The following ERCC6 variants were observed in gnomAD, a reference collection of about 807,000 sequenced individuals.
The protein encoded by ERCC6 is ERCC excision repair 6, chromatin remodeling factor, also known as DNA excision repair protein ERCC-6.
A neutral mutation model predicts 158.7 loss-of-function variants in ERCC6; 116 were observed. The ratio of observed to expected loss-of-function variants is 0.73; its 90% confidence interval spans 0.63 to 0.85. The LOEUF is 0.85. Among genes scored for constraint, ERCC6 ranks in the 40% least tolerant of loss-of-function variants. The probability of loss-of-function intolerance (pLI) is 0.00; values close to 1 mark genes in which losing one functional copy is unlikely to be tolerated. For synonymous variants in ERCC6, 678 were observed against 659.3 expected (o/e 1.03, Z -0.43); for missense variants, 1,698 against 1,799.4 (o/e 0.94, Z 1.02).
chr10:49,493,309 C>G lies in ERCC6; in HGVS notation c.1686-57G>C, dbSNP rs774929345. The stretch of plus-strand genomic sequence containing the variant: ...ATGAAAGAGCATATACAGTCATCAA[C>G]TGCTCAAAAGATCCCCCAAAACAAC... On this transcript the variant is annotated intron_variant, in intron 7 of 20. Coordinates refer to ENST00000355832, the MANE Select transcript of ERCC6 (RefSeq NM_000124.4). The G allele has an allele frequency of 1.6e-5, 26 of 1,608,018 alleles. 1 individual carries two copies. In the East Asian group the frequency reaches 5.1e-4, roughly 32 times the overall value.
chr10:49,510,101 G>T (rs1393106473), intron 5 of ERCC6, among the ~76,000 whole-genome samples: 1 of 152,108 alleles, frequency 6.6e-6, no homozygotes, highest in Non-Finnish European at 1.5e-5. Flanking sequence ...ATCTGGCCCA[G>T]GCTGTGGGGC....
Position 49,493,117 on chromosome 10 carries a change from C to A in ERCC6, c.1821G>T (p.Lys607Asn), listed in dbSNP as rs1229284794. The A allele has an allele frequency of 1.9e-6, 3 of 1,613,816 alleles. No individual in the cohort carries two copies. The highest frequency in any genetic ancestry group is 1.3e-5 in the African/African-American group (1 of 74,894). Reference protein sequence around the residue: ...LHETGSYTHKKEKLIRDVAHC... With the variant: ...LHETGSYTHKNEKLIRDVAHC... ...AAAAGGTACTGAAATATTGTGTTAC[C>A]TTTTTGTGGGTATAGGAACCGGTTT... Residue 607 changes from lysine (K) to asparagine (N), a missense_variant and splice_region_variant, in exon 8 of 21, where the codon AAG (lysine) becomes AAT (asparagine). Lys to Asn is a moderately conservative substitution (Grantham distance 94). Transcript: ENST00000355832.
intron 1 of ERCC6, among the ~76,000 whole-genome samples, chr10:49,533,322 A>G (rs1459601235): frequency 1.3e-5 from 2 of 152,238 alleles, no homozygotes; most frequent in African/African-American, 4.8e-5. Context: ...CCAAGTTAGC[A>G]TCTTCATTTC....
intron 11 of ERCC6, among the ~76,000 whole-genome samples, chr10:49,476,974 C>G (rs950174539): frequency 1.1e-4 from 17 of 152,160 alleles, no homozygotes; most frequent in African/African-American, 4.1e-4. Flanking sequence ...AACCATCAGT[C>G]TTCTGCAGAC....
intron 18 of ERCC6, 55 bp from the exon 19 acceptor site, chr10:49,461,611 C>T (rs779620359): frequency 6.5e-7 from 1 of 1,531,734 alleles, no homozygotes; most frequent in Middle Eastern, 1.7e-4. Context: ...AAGAAAGACA[C>T]TTTTCTCCTC....
At chr10:49,495,586 C>T (rs1052363077) in intron 7 of ERCC6, among the ~76,000 whole-genome samples, 20 of 152,166 alleles carry the variant, frequency 1.3e-4, no homozygotes, top group Admixed American at 3.3e-4. Context: ...ATCTCACTGC[C>T]GATATCCCCA....
chr10:49,478,581 CT>C, intron 10 of ERCC6, 111 bp from the exon 11 acceptor site: 1 of 774,476 alleles, frequency 1.3e-6, no homozygotes, highest in Non-Finnish European at 2.3e-6. Context: ...TAACCAACAG[CT>C]GTATAAAGTC....
intron 5 of ERCC6, among the ~76,000 whole-genome samples, chr10:49,518,329 G>A (rs902911947): frequency 2.5e-4 from 38 of 152,324 alleles, no homozygotes; most frequent in Admixed American, 2.0e-4. Context: ...ACCAAGCTGC[G>A]AGATCACTCT....
chr10:49,511,670 C>T (rs1836820754), intron 5 of ERCC6, among the ~76,000 whole-genome samples: 1 of 152,142 alleles, frequency 6.6e-6, no homozygotes, highest in Non-Finnish European at 1.5e-5. Flanking sequence ...AAGTGATCTG[C>T]CTGCCTTGCC....
At chr10:49,437,357 T>C in the ERCC6 span, among the ~76,000 whole-genome samples, 3 of 152,190 alleles carry the variant, frequency 2.0e-5, no homozygotes, top group African/African-American at 7.2e-5. Context: ...AACACACCAG[T>C]ATAACATTGA....
intron 6 of ERCC6, chr10:49,501,016 T>C (rs1207138286): frequency 3.7e-6 from 1 of 267,726 alleles, no homozygotes; most frequent in Non-Finnish European, 7.2e-6. Flanking sequence ...TTACTATTTT[T>C]TACTCACTTT....
chr10:49,470,590 T>G lies in ERCC6; in HGVS notation c.3370A>C (p.Ser1124Arg). Residue 1124 changes from serine to arginine, a missense_variant, in exon 18 of 21, where the codon AGT (serine) becomes CGT (arginine). Coordinates refer to ENST00000355832, the MANE Select transcript of ERCC6 (RefSeq NM_000124.4). ...VSGPEELSVI[S>R]GNGECSNSSG... ...GAATTTGAACATTCCCCATTTCCAC[T>G]AATCACTGACAACTCTTCTGGTCCA... 6.2e-7 allele frequency: 1 copy of G among 1,614,094 alleles called. No individual in the cohort carries two copies. Among genetic ancestry groups the G allele is most frequent in the Non-Finnish European group, 8.5e-7 (1 of 1,179,970 alleles).
chr10:49,515,422 C>A, intron 5 of ERCC6: 1 of 1,614,122 alleles, frequency 6.2e-7, no homozygotes, highest in African/African-American at 1.3e-5. Context: ...TGACATTCAG[C>A]GCATCGCGTT....
downstream of ERCC6, among the ~76,000 whole-genome samples, chr10:49,450,576 A>C (rs1850408756): frequency 6.6e-6 from 1 of 152,202 alleles, no homozygotes; most frequent in Non-Finnish European, 1.5e-5. Context: ...CTGAATCTGC[A>C]GACAAGTTTG....
rs1481516583 is a variant in ERCC6, at chr10:49,505,903, G to C, written c.1507C>G (p.Leu503Val). 6.2e-7 allele frequency: 1 copy of C among 1,613,286 alleles called. No homozygotes were observed. The highest frequency in any genetic ancestry group is 1.7e-5 in the Admixed American group (1 of 59,938). Reference protein sequence around the residue: ...FDEGFKVPGFLFKKLFKYQQT... With the variant: ...FDEGFKVPGFVFKKLFKYQQT... ...ACATACTTAAAAAGCTTTTTGAACA[G>C]AAAACCTGGCACTTTAAAACCTTCG... Residue 503 changes from leucine (L) to valine (V), a missense_variant, in exon 6 of 21, where the codon CTG (leucine) becomes GTG (valine). Transcript: ENST00000355832.
intron 5 of ERCC6, chr10:49,517,090 C>T (rs758411255): frequency 6.3e-7 from 1 of 1,598,888 alleles, no homozygotes; most frequent in Non-Finnish European, 8.6e-7. Flanking sequence ...TCAGTTATTT[C>T]ATGTAAACTT....
intron 18 of ERCC6, among the ~76,000 whole-genome samples, chr10:49,464,996 G>A (rs1850648598): frequency 6.6e-6 from 1 of 152,212 alleles, no homozygotes; most frequent in South Asian, 2.1e-4. Context: ...GCTATGAGAA[G>A]AGGGCCACGG....
intron 5 of ERCC6, among the ~76,000 whole-genome samples, chr10:49,513,145 C>T (rs1017414520): frequency 6.6e-6 from 1 of 152,128 alleles, no homozygotes; most frequent in Non-Finnish European, 1.5e-5. Flanking sequence ...CATATCATCA[C>T]CCATGAAGAA....
chr10:49,523,865 C>T (rs748791839), intron 5 of ERCC6, among the ~76,000 whole-genome samples, 168 bp downstream of exon 5: 12 of 151,854 alleles, frequency 7.9e-5, no homozygotes, highest in East Asian at 1.9e-4. Flanking sequence ...TCATTAAGGA[C>T]TCAGGGGCCC....
Sources: gnomAD v4.1 joint callset for allele counts (sites outside exome capture counted in the v4.1 genomes callset) on GRCh38, gnomAD v4.1.1 for gene constraint, MANE v1.5 for transcripts, NCBI Gene and HGNC (gene_info 2026-07-23, HGNC 2026-07-21) for gene names.